Variants in PROS1 observed in about 807,000 individuals in gnomAD.
PROS1 encodes vitamin K-dependent protein S.
In PROS1, 29 loss-of-function variants were observed where a neutral mutation model predicts 75.9. That is an observed-to-expected ratio of 0.38 (90% CI 0.28 to 0.52). The LOEUF (loss-of-function observed/expected upper bound fraction) is 0.52. PROS1 is among the 20% of genes least tolerant of loss of function. The pLI is 0.83. For missense variants in PROS1, 680 were observed against 810.3 expected, an observed-to-expected ratio of 0.84 and a Z score of 1.95; for synonymous variants, 245 against 280.6, an observed-to-expected ratio of 0.87 and a Z score of 1.27.
rs183419884 is a variant in PROS1, at chr3:93,926,846, T to C, written c.234+404A>G. On this transcript the variant is annotated intron_variant, in intron 2 of 14. Transcript: ENST00000394236. ...AATACTATTTGCTGATAATGAAGTG[T>C]AACTGAACTATAGTTTAGTCAGAAC... is the stretch of plus-strand genomic sequence containing the variant. Among the ~76,000 whole-genome samples the C allele has an allele frequency of 7.2e-5, 11 of 152,312 alleles. No individual in the cohort carries two copies. The East Asian group carries it at 2.1e-3, about 29-fold the overall frequency.
At chr3:93,924,486 G>A (rs1384614892) in intron 2 of PROS1, among the ~76,000 whole-genome samples, 2 of 152,024 alleles carry the variant, frequency 1.3e-5, no homozygotes, top group Non-Finnish European at 2.9e-5. Flanking sequence ...AATTAATCAT[G>A]TTTCAAAAGC....
intron 1 of PROS1, among the ~76,000 whole-genome samples, chr3:93,950,674 C>A (rs1453792396): frequency 6.6e-6 from 1 of 152,176 alleles, no homozygotes; most frequent in African/African-American, 2.4e-5. Flanking sequence ...CACCAAAATC[C>A]CTTCTGTACA....
chr3:93,897,701 T>A (rs1227911464), intron 8 of PROS1, among the ~76,000 whole-genome samples: 1 of 152,090 alleles, frequency 6.6e-6, no homozygotes, highest in Non-Finnish European at 1.5e-5. Flanking sequence ...AGTTAAATCA[T>A]TATTTAGGCA....
At chr3:93,946,046 C>A (rs769138038) in intron 1 of PROS1, among the ~76,000 whole-genome samples, 25 of 152,158 alleles carry the variant, frequency 1.6e-4, no homozygotes, top group Non-Finnish European at 4.4e-5. Flanking sequence ...GAGTGAACCG[C>A]CATTCACAAT....
chr3:93,905,777 C>A lies in PROS1; in HGVS notation c.601+7G>T, dbSNP rs754356253. 3.1e-6 allele frequency: 5 copies of A among 1,610,852 alleles called. No homozygotes were observed. Among genetic ancestry groups the A allele is most frequent in the African/African-American group, 1.3e-5 (1 of 74,952 alleles). Reference sequence around the variant, plus strand: ...AATGTGTTTTAATTCTACCATCCTGCTCTTACCTTTACAATCTTTCTTATT... The same window carrying A: ...AATGTGTTTTAATTCTACCATCCTGATCTTACCTTTACAATCTTTCTTATT... On this transcript the variant is annotated splice_region_variant and intron_variant, in intron 6 of 14. Coordinates refer to ENST00000394236, the MANE Select transcript of PROS1 (RefSeq NM_000313.4).
rs1218357121 is a variant in PROS1 at position 93,886,479 on chromosome 3, T to G, written c.1180A>C (p.Ser394Arg). ...NMVSVEELEH[S>R]ISIKIAKEAV... ...TCTTTAGCTATTTTAATGCTAATAC[T>G]ATGTTCTAATTCTTCCACAGACACC... The change falls in exon 11 of 15, where the codon AGT (serine) becomes CGT (arginine). Residue 394 changes from serine (S) to arginine (R), a missense_variant. By Grantham distance (110) the Ser-to-Arg change is moderately radical. Transcript: ENST00000394236. The G allele has an allele frequency of 6.2e-7, 1 of 1,609,934 alleles. No homozygotes were observed. Among genetic ancestry groups the G allele is most frequent in the African/African-American group, 1.3e-5 (1 of 74,828 alleles).
At chr3:93,899,859 G>A (rs1315349116) in intron 7 of PROS1, among the ~76,000 whole-genome samples, 1 of 152,142 alleles carries the variant, frequency 6.6e-6, no homozygotes, top group East Asian at 1.9e-4. Flanking sequence ...GGAAATAGCA[G>A]TGATGGCTGC....
chr3:93,906,167 ATTT>A (rs746737659), intron 4 of PROS1, 24 bp from the exon 5 acceptor site: 15 of 1,610,044 alleles, frequency 9.3e-6, no homozygotes, highest in Non-Finnish European at 1.2e-5. Flanking sequence ...ACATCTATTT[ATTT>A]TTTTTATCTC....
At chr3:93,886,008 G>A (rs901737514) in intron 11 of PROS1, among the ~76,000 whole-genome samples, 1 of 151,938 alleles carries the variant, frequency 6.6e-6, no homozygotes, top group Admixed American at 6.6e-5. Context: ...AACTGAGTAT[G>A]GATTATCATG....
chr3:93,882,807 T>C (rs1341911036), intron 12 of PROS1, among the ~76,000 whole-genome samples: 4 of 152,052 alleles, frequency 2.6e-5, no homozygotes, highest in Admixed American at 1.3e-4. Context: ...TCTCTTAATA[T>C]GGTCCTGAAA....
At chr3:93,969,615 C>T (rs769671002) in intron 1 of PROS1, among the ~76,000 whole-genome samples, 1 of 152,200 alleles carries the variant, frequency 6.6e-6, no homozygotes, top group Non-Finnish European at 1.5e-5. Flanking sequence ...TGATTGGCAG[C>T]TCCTCAAGTA....
intron 1 of PROS1, among the ~76,000 whole-genome samples, chr3:93,967,064 C>A (rs1709802663): frequency 1.3e-5 from 2 of 152,202 alleles, no homozygotes; most frequent in African/African-American, 4.8e-5. Flanking sequence ...AAGGAAGCCA[C>A]AGTGGCAAGG....
At chr3:93,950,561 C>G (rs1479324441) in intron 1 of PROS1, among the ~76,000 whole-genome samples, 1 of 152,172 alleles carries the variant, frequency 6.6e-6, no homozygotes, top group African/African-American at 2.4e-5. Context: ...TGGTGATACC[C>G]AGGAAAATAG....
chr3:93,884,526 CA>C (rs1468214266), intron 12 of PROS1, among the ~76,000 whole-genome samples: 1 of 152,168 alleles, frequency 6.6e-6, no homozygotes, highest in Non-Finnish European at 1.5e-5. Flanking sequence ...AATAACAACA[CA>C]AGCACATTCA....
At chr3:93,954,798 G>A (rs894229152) in intron 1 of PROS1, among the ~76,000 whole-genome samples, 2 of 152,026 alleles carry the variant, frequency 1.3e-5, no homozygotes, top group Non-Finnish European at 2.9e-5. Context: ...CAACCTACAG[G>A]ATGGGAGAAA....
chr3:93,969,168 A>C (rs1709837392), intron 1 of PROS1, among the ~76,000 whole-genome samples: 1 of 132,572 alleles, frequency 7.5e-6, no homozygotes, highest in Non-Finnish European at 1.6e-5. Context: ...GGTACACTAT[A>C]ATGTATCATT....
At chr3:93,907,021 C>T (rs758841325) in intron 4 of PROS1, among the ~76,000 whole-genome samples, 2 of 152,328 alleles carry the variant, frequency 1.3e-5, no homozygotes, top group Non-Finnish European at 2.9e-5. Flanking sequence ...GTGCCATGAA[C>T]AGTGGCAGGA....
At chr3:93,954,733 A>C (rs953630854) in intron 1 of PROS1, among the ~76,000 whole-genome samples, 1 of 152,236 alleles carries the variant, frequency 6.6e-6, no homozygotes, top group African/African-American at 2.4e-5. Flanking sequence ...AATGGGATCT[A>C]ATTAAACTAA....
intron 4 of PROS1, among the ~76,000 whole-genome samples, chr3:93,907,482 G>A (rs1708693825): frequency 6.6e-6 from 1 of 152,122 alleles, no homozygotes; most frequent in Non-Finnish European, 1.5e-5. Context: ...GCTACAGAGA[G>A]GAGCCACCTG....
Sources: gnomAD v4.1 joint callset for allele counts (sites outside exome capture counted in the v4.1 genomes callset) on GRCh38, gnomAD v4.1.1 for gene constraint, MANE v1.5 for transcripts, NCBI Gene and HGNC (gene_info 2026-07-23, HGNC 2026-07-21) for gene names.